The following VWA2 variants were observed in gnomAD, a reference collection of about 807,000 sequenced individuals.
The protein encoded by VWA2 is von Willebrand factor A domain-containing protein 2.
A neutral mutation model predicts 70.4 loss-of-function variants in VWA2; 73 were observed. The observed-to-expected ratio is 1.04, with a 90% CI of 0.86 to 1.26. The LOEUF is 1.26. Among genes scored for constraint, VWA2 ranks in the 50% most tolerant of loss-of-function variants. The probability of loss-of-function intolerance (pLI) is 0.00; values close to 1 mark genes in which losing one functional copy is unlikely to be tolerated. For missense variants in VWA2, 1,011 were observed against 998.5 expected, an observed-to-expected ratio of 1.01 and a Z score of -0.17; for synonymous variants, 407 against 423.3, an observed-to-expected ratio of 0.96 and a Z score of 0.47.
chr10:114,247,186 T>C (rs1017419426), intron 1 of VWA2, among the ~76,000 whole-genome samples: 1 of 145,504 alleles, frequency 6.9e-6, no homozygotes, highest in African/African-American at 2.6e-5. Context: ...TCTTTTTAAG[T>C]GTGAAAAAAA....
At position 114,293,673 on chromosome 10, in the gene VWA2, A is replaced by T. The variant is rs569584956; in HGVS notation, c.*2436A>T. Among the ~76,000 whole-genome samples, 1 of 152,354 alleles carries T rather than the reference A, an allele frequency of 6.6e-6. No homozygotes were observed. Among genetic ancestry groups the T allele is most frequent in the East Asian group, 1.9e-4 (1 of 5,192 alleles). On this transcript the variant is annotated 3_prime_UTR_variant, in exon 14 of 14. Transcript: ENST00000392982. ...AAATATATTTTCCTTGCAATAATTA[A>T]AACATTGCATATAGGCCATAAATTT...
chr10:114,290,088 C>A (rs2039417280), intron 12 of VWA2, 152 bp from the exon 13 acceptor site: 3 of 974,224 alleles, frequency 3.1e-6, no homozygotes, highest in Non-Finnish European at 4.5e-6. Context: ...CTAACCTAGC[C>A]AAGTGGTATG....
At chr10:114,266,198 G>A (rs890611084) in intron 5 of VWA2, among the ~76,000 whole-genome samples, 1 of 152,116 alleles carries the variant, frequency 6.6e-6, no homozygotes, top group Non-Finnish European at 1.5e-5. Flanking sequence ...TCGGGAGGCT[G>A]AGGCAGGAGA....
chr10:114,285,857 G>C, intron 10 of VWA2, 82 bp from the exon 11 acceptor site: 1 of 1,388,618 alleles, frequency 7.2e-7, no homozygotes, highest in South Asian at 1.5e-5. Context: ...TCCCTCCTGG[G>C]AGATGTTCGG....
chr10:114,267,930 T>C (rs2037610206), intron 5 of VWA2, among the ~76,000 whole-genome samples: 1 of 151,966 alleles, frequency 6.6e-6, no homozygotes, highest in Non-Finnish European at 1.5e-5. Context: ...TCCTGAGAGA[T>C]TTTTATGAAC....
intron 11 of VWA2, 21 bp from the exon 12 acceptor site, chr10:114,288,917 C>A: frequency 3.8e-6 from 6 of 1,581,890 alleles, no homozygotes; most frequent in Non-Finnish European, 5.2e-6. Flanking sequence ...ACTGCTGAAG[C>A]CCCTCTGCTT....
In VWA2 at chr10:114,261,242, T is replaced by A. The variant is rs2037438692; in HGVS notation, c.318T>A (p.Asp106Glu). 2 of 1,614,074 alleles carry A rather than the reference T, an allele frequency of 1.2e-6. No individual in the cohort carries two copies. The highest frequency in any genetic ancestry group is 1.3e-5 in the African/African-American group (1 of 74,934). ...CTCCTCATCTGGAATTCCCCTTGGA[T>A]TCATTTTCAACCCAACAGGAAGTGA... The part of the protein sequence containing the change: ...SSTPHLEFPL[D>E]SFSTQQEVKA... Residue 106 changes from aspartate (D) to glutamate (E), a missense_variant, in exon 5 of 14, where the codon GAT (aspartate) becomes GAA (glutamate). Physicochemically the swap from Asp to Glu is conservative, Grantham distance 45. Coordinates refer to ENST00000392982, the MANE Select transcript of VWA2 (RefSeq NM_001272046.2).
At chr10:114,290,794 G>A (rs1359718244) in intron 13 of VWA2, among the ~76,000 whole-genome samples, 1 of 152,160 alleles carries the variant, frequency 6.6e-6, no homozygotes, top group African/African-American at 2.4e-5. Flanking sequence ...GCTCTTTTTG[G>A]GGTGCTATTT....
chr10:114,280,140 A>G (rs1182521148), intron 8 of VWA2, among the ~76,000 whole-genome samples: 3 of 152,210 alleles, frequency 2.0e-5, no homozygotes, highest in African/African-American at 7.2e-5. Flanking sequence ...TTTGTTGAGA[A>G]CAGGCGGTGA....
At chr10:114,261,442 A>G (rs762048247) in intron 5 of VWA2, 147 bp downstream of exon 5, 28 of 558,340 alleles carry the variant, frequency 5.0e-5, no homozygotes, top group Non-Finnish European at 8.1e-5. Context: ...GGTCACATGA[A>G]TTCCATTCTC....
rs1287328275 is a variant in VWA2, at chr10:114,286,108, G to A, written c.1167G>A (p.Arg389=). The A allele has an allele frequency of 1.9e-6, 3 of 1,614,174 alleles. No homozygotes were observed. The highest frequency in any genetic ancestry group is 8.5e-7 in the Non-Finnish European group (1 of 1,180,038). Residue 389 remains arginine, a synonymous_variant, in exon 11 of 14, where the codon AGG becomes AGA. Transcript: ENST00000392982. ...GAGTGGGTGTGGCCACATACAGCAGGGAGCTGCTGGTGGCGGTGCCTGTGG... is the reference window on the plus strand; with the variant it reads ...GAGTGGGTGTGGCCACATACAGCAGAGAGCTGCTGGTGGCGGTGCCTGTGG... ...RARVGVATYS[R]ELLVAVPVGE... is the part of the protein sequence containing the mutation.
chr10:114,285,310 A>G (rs1056104814), intron 10 of VWA2, among the ~76,000 whole-genome samples: 3 of 152,174 alleles, frequency 2.0e-5, no homozygotes, highest in Non-Finnish European at 2.9e-5. Flanking sequence ...TCTCTATTCT[A>G]TGAAAGCAGA....
chr10:114,261,763 T>C (rs1048866908), intron 5 of VWA2, among the ~76,000 whole-genome samples: 1 of 152,230 alleles, frequency 6.6e-6, no homozygotes, highest in Admixed American at 6.5e-5. Flanking sequence ...TATGTGCTTA[T>C]ACATATACAC....
intron 6 of VWA2, among the ~76,000 whole-genome samples, chr10:114,277,680 C>T (rs2037878997): frequency 6.6e-6 from 1 of 152,170 alleles, no homozygotes; most frequent in African/African-American, 2.4e-5. Flanking sequence ...GTTTATCATT[C>T]CTCAGTCTTT....
intron 6 of VWA2, among the ~76,000 whole-genome samples, chr10:114,275,182 AAGAT>A (rs2037805766): frequency 6.6e-6 from 1 of 152,130 alleles, no homozygotes. Flanking sequence ...AGAGAGGAAG[AAGAT>A]AGAGTGATGG....
rs551956718 is a variant in VWA2 at position 114,246,563 on chromosome 10, A to G, written c.-10-2141A>G. 188 of 1,154,716 alleles carry G rather than the reference A, an allele frequency of 1.6e-4. No homozygotes were observed. In the African/African-American group the frequency reaches 2.8e-3, roughly 17 times the overall value. 71.5% of individuals were successfully genotyped at this position (1,154,716 alleles called of 1,614,324 possible). A position where few individuals can be genotyped will look rare whatever the true frequency, so the allele number is the denominator to read the frequency against. ...GTTGAATTCACATTCCCTGACTGTAACAGAGGGACCCAGGACCTCATTTTA... is the reference window on the plus strand; with the variant it reads ...GTTGAATTCACATTCCCTGACTGTAGCAGAGGGACCCAGGACCTCATTTTA... On this transcript the variant is annotated intron_variant, in intron 1 of 13. Coordinates refer to ENST00000392982, the MANE Select transcript of VWA2 (RefSeq NM_001272046.2).
chr10:114,280,531 T>TG (rs898990710), intron 8 of VWA2, among the ~76,000 whole-genome samples: 6 of 150,346 alleles, frequency 4.0e-5, no homozygotes, highest in South Asian at 2.1e-4. Context: ...CTGAGGGAGG[T>TG]GGGGGGCAAA....
At chr10:114,265,588 C>T (rs1488682405) in intron 5 of VWA2, among the ~76,000 whole-genome samples, 1 of 152,168 alleles carries the variant, frequency 6.6e-6, no homozygotes, top group Non-Finnish European at 1.5e-5. Flanking sequence ...CTGTCCTTTC[C>T]CACCTCTCAC....
intron 4 of VWA2, among the ~76,000 whole-genome samples, chr10:114,260,399 G>A (rs935840365): frequency 6.6e-6 from 1 of 152,206 alleles, no homozygotes. Flanking sequence ...AGTCGTTTCA[G>A]TTGTAGATGC....
Sources: allele counts gnomAD v4.1 joint callset (sites outside exome capture counted in the v4.1 genomes callset), GRCh38; gene constraint gnomAD v4.1.1; transcripts MANE v1.5; gene names NCBI Gene and HGNC (gene_info 2026-07-23, HGNC 2026-07-21).